SCML2: variants seen among roughly 807,000 people sequenced by gnomAD.
The protein encoded by SCML2 is Scm polycomb group protein like 2, also known as sex comb on midleg-like protein 2.
Under a neutral mutation model 48.4 loss-of-function variants are expected in SCML2, and 6 were observed. The ratio of observed to expected loss-of-function variants is 0.12; its 90% CI spans 0.07 to 0.24. SCML2 has a LOEUF of 0.24. Ranked by LOEUF, SCML2 falls within the 10% of genes least tolerant of loss-of-function variation. The pLI is 1.00. For synonymous variants in SCML2, 181 were observed against 189.5 expected, an observed-to-expected ratio of 0.95 and a Z score of 0.37; for missense variants, 377 against 528.2, an observed-to-expected ratio of 0.71 and a Z score of 2.81.
At chrX:18,330,065 G>A (rs1929605960) in intron 3 of SCML2, among the ~76,000 whole-genome samples, 1 of 111,913 alleles carries the variant, frequency 8.9e-6, no homozygotes, top group South Asian at 3.7e-4. Flanking sequence ...GTGACACAGC[G>A]AGACTCTGTC....
intron 1 of SCML2, among the ~76,000 whole-genome samples, chrX:18,351,674 CAAAA>C (rs58429855): frequency 1.2e-5 from 1 of 80,592 alleles, no homozygotes; most frequent in Non-Finnish European, 2.4e-5. Flanking sequence ...AATAACCAGG[CAAAA>C]AAAAAAAAAA....
chrX:18,325,881 C>G (rs1929462466), intron 3 of SCML2, among the ~76,000 whole-genome samples: 1 of 112,135 alleles, frequency 8.9e-6, no homozygotes, highest in Non-Finnish European at 1.9e-5. Context: ...CTGGAAGAAT[C>G]TACGTTTACC....
rs1752695629 is a variant in SCML2, at chrX:18,300,696, C to A, written c.730+4276G>T. On this transcript the variant is annotated intron_variant, in intron 7 of 14. Coordinates refer to ENST00000251900, the MANE Select transcript of SCML2 (RefSeq NM_006089.3). ...ATCCCAGCTACTCAGAAGGCTGAGG[C>A]AGGAAAATCAATTGAACCCAGGAGA... Among the ~76,000 whole-genome samples, 4 of 107,348 alleles carry A rather than the reference C, an allele frequency of 3.7e-5. No individual in the cohort carries two copies. In the Admixed American group the frequency reaches 4.1e-4, roughly 11 times the overall value. The allele number at this position is 107,348 out of a possible 115,157, so 93.2% of individuals were successfully genotyped here.
intron 6 of SCML2, among the ~76,000 whole-genome samples, chrX:18,306,877 C>T (rs1390538535): frequency 5.4e-5 from 6 of 110,270 alleles, no homozygotes; most frequent in South Asian, 3.9e-4. Context: ...CTATGTTGGC[C>T]GGGCTGGTCT....
Position 18,324,858 on chromosome X carries a change from A to G in SCML2, c.162+49T>C, listed in dbSNP as rs369604112. On this transcript the variant is annotated intron_variant, in intron 4 of 14. Transcript: ENST00000251900. Reference sequence around the variant, plus strand: ...TCTAACAATCACACAGACGTCCTCCAACAAGTTAATAGTTTACATTAACTA... The same window carrying G: ...TCTAACAATCACACAGACGTCCTCCGACAAGTTAATAGTTTACATTAACTA... 2.0e-5 allele frequency: 19 copies of G among 952,761 alleles called. No homozygotes were observed. The African/African-American group carries it at 3.3e-4, about 16-fold the overall frequency. The allele number at this position is 952,761 out of a possible 1,213,427, so 78.5% of individuals were successfully genotyped here. A position where few individuals can be genotyped will look rare whatever the true frequency, so the allele number is the denominator to read the frequency against.
chrX:18,273,631 G>T (rs1489869095), intron 7 of SCML2, among the ~76,000 whole-genome samples: 3 of 111,534 alleles, frequency 2.7e-5, no homozygotes, highest in Non-Finnish European at 5.6e-5. Flanking sequence ...GATAGAAACA[G>T]GAGGCAGAGA....
At chrX:18,308,612 T>C (rs139570494) in intron 6 of SCML2, among the ~76,000 whole-genome samples, 1,302 of 110,758 alleles carry the variant, frequency 0.012, 5 homozygotes, top group Non-Finnish European at 0.018. Flanking sequence ...TTAGAATGAC[T>C]ATTATCAAAA....
At chrX:18,299,807 A>G (rs1928523792) in intron 7 of SCML2, among the ~76,000 whole-genome samples, 1 of 108,418 alleles carries the variant, frequency 9.2e-6, no homozygotes, top group African/African-American at 3.4e-5. Flanking sequence ...ACATGAATAT[A>G]GCTCACTGGG....
chrX:18,321,777 T>C, intron 5 of SCML2, among the ~76,000 whole-genome samples: 1 of 111,266 alleles, frequency 9.0e-6, no homozygotes, highest in South Asian at 3.7e-4. Flanking sequence ...CAGATTTTCC[T>C]AAATGTAACA....
chrX:18,254,221 C>T (rs1191082595), intron 11 of SCML2, among the ~76,000 whole-genome samples: 1 of 112,288 alleles, frequency 8.9e-6, no homozygotes, highest in Non-Finnish European at 1.9e-5. Context: ...GAATCAAAGT[C>T]TCCTAAGAAG....
chrX:18,257,960 AGGGAAGGGGGAAGGGAAG>A, intron 10 of SCML2, 66 bp downstream of exon 10: 2 of 306,545 alleles, frequency 6.5e-6, no homozygotes, highest in South Asian at 8.4e-5. Context: ...GGGAGAGGAA[AGGGAAGGGGGAAGGGAAG>A]GGGGAAGGGA....
chrX:18,311,619 T>C (rs963780155), intron 6 of SCML2, among the ~76,000 whole-genome samples: 2 of 111,623 alleles, frequency 1.8e-5, no homozygotes, highest in African/African-American at 6.5e-5. Context: ...GGGTAAAATG[T>C]AAGTAGGAGA....
chrX:18,336,478 T>C (rs1329549309), intron 1 of SCML2, among the ~76,000 whole-genome samples: 1 of 104,248 alleles, frequency 9.6e-6, no homozygotes, highest in Non-Finnish European at 1.9e-5. Context: ...AGCTCATGCC[T>C]GTAATCCCAG....
intron 7 of SCML2, among the ~76,000 whole-genome samples, chrX:18,301,485 A>C (rs1049435073): frequency 8.9e-6 from 1 of 112,374 alleles, no homozygotes; most frequent in African/African-American, 3.2e-5. Flanking sequence ...AAGAATGAAG[A>C]GGAGGGCTAG....
At chrX:18,308,866 T>C (rs1469852981) in intron 6 of SCML2, among the ~76,000 whole-genome samples, 1 of 110,852 alleles carries the variant, frequency 9.0e-6, no homozygotes, top group Non-Finnish European at 1.9e-5. Flanking sequence ...AACAAGCGTA[T>C]GAAAAAAATG....
intron 1 of SCML2, among the ~76,000 whole-genome samples, chrX:18,351,831 C>T (rs887894365): frequency 9.0e-6 from 1 of 111,561 alleles, no homozygotes; most frequent in Non-Finnish European, 1.9e-5. Flanking sequence ...CTCTCGCACC[C>T]CCAAGAGCTC....
chrX:18,319,658 C>A (rs1302985280), intron 6 of SCML2, among the ~76,000 whole-genome samples: 1 of 109,594 alleles, frequency 9.1e-6, no homozygotes, highest in Non-Finnish European at 1.9e-5. Context: ...CTAGCCTCCG[C>A]AACTGTGAGA....
intron 7 of SCML2, among the ~76,000 whole-genome samples, chrX:18,299,824 T>C (rs1238615371): frequency 9.1e-6 from 1 of 109,389 alleles, no homozygotes; most frequent in East Asian, 2.9e-4. Context: ...TGGGATCTCT[T>C]AGCCCCAGGG....
chrX:18,320,640 C>A (rs1402205762), intron 5 of SCML2, among the ~76,000 whole-genome samples: 2 of 111,232 alleles, frequency 1.8e-5, no homozygotes, highest in Non-Finnish European at 3.8e-5. Context: ...GATAGAAACT[C>A]TCCTTTTAAG....
Sources: allele counts gnomAD v4.1 joint callset (sites outside exome capture counted in the v4.1 genomes callset), GRCh38; gene constraint gnomAD v4.1.1; transcripts MANE v1.5; gene names NCBI Gene and HGNC (gene_info 2026-07-23, HGNC 2026-07-21).